Variants in NTM observed in about 807,000 individuals in gnomAD.
NTM encodes the protein neurotrimin, also known as IgLON family member 2.
NTM carries 13 observed loss-of-function variants against 42.1 expected under a neutral mutation model. The ratio of observed to expected loss-of-function variants is 0.31; its 90% CI spans 0.20 to 0.49. NTM has a LOEUF of 0.49. Ranked by LOEUF, NTM falls within the 20% of genes least tolerant of loss-of-function variation. The probability of loss-of-function intolerance (pLI) is 0.99; values close to 1 mark genes in which losing one functional copy is unlikely to be tolerated. For synonymous variants in NTM, 187 were observed against 179.2 expected, an observed-to-expected ratio of 1.04 and a Z score of -0.35; for missense variants, 373 against 452.8, an observed-to-expected ratio of 0.82 and a Z score of 1.60.
intron 2 of NTM, among the ~76,000 whole-genome samples, chr11:132,044,242 C>T (rs1384694276): frequency 1.3e-5 from 2 of 152,166 alleles, no homozygotes; most frequent in South Asian, 4.2e-4. Flanking sequence ...CATTCTATAA[C>T]TTGTGGCACT....
intron 1 of NTM, among the ~76,000 whole-genome samples, chr11:131,858,482 C>G (rs967253532): frequency 1.3e-5 from 2 of 152,174 alleles, no homozygotes; most frequent in Non-Finnish European, 2.9e-5. Flanking sequence ...GTGAGGAGCT[C>G]AGTATTTTTT....
chr11:131,629,958 C>A (rs1022025533), intron 1 of NTM, among the ~76,000 whole-genome samples: 1 of 152,158 alleles, frequency 6.6e-6, no homozygotes, highest in Non-Finnish European at 1.5e-5. Context: ...TCCTCTGCAC[C>A]ATCCCTGGTG....
intron 2 of NTM, among the ~76,000 whole-genome samples, chr11:131,935,713 AGAAT>A (rs1565775122): frequency 6.6e-6 from 1 of 152,180 alleles, no homozygotes; most frequent in Non-Finnish European, 1.5e-5. Context: ...CCTCATCCAT[AGAAT>A]GATATATTTT....
chr11:131,605,771 G>A, intron 1 of NTM: 5 of 983,244 alleles, frequency 5.1e-6, no homozygotes, highest in Non-Finnish European at 6.0e-6. Flanking sequence ...ATAAATAAAG[G>A]TGCCCTATTC....
chr11:132,326,604 G>A (rs938416642), intron 7 of NTM, among the ~76,000 whole-genome samples: 2 of 152,198 alleles, frequency 1.3e-5, no homozygotes, highest in Non-Finnish European at 2.9e-5. Flanking sequence ...GATGTGCTCA[G>A]CCCCTCATCT....
intron 4 of NTM, among the ~76,000 whole-genome samples, chr11:132,303,712 CAAA>C (rs139688601): frequency 0.094 from 10,691 of 113,176 alleles, 364 homozygotes; most frequent in Middle Eastern, 0.19. Context: ...TTCTAGGTGA[CAAA>C]AAAAAAAAAA....
At chr11:131,798,527 G>A (rs1338536451) in intron 1 of NTM, among the ~76,000 whole-genome samples, 1 of 152,124 alleles carries the variant, frequency 6.6e-6, no homozygotes, top group African/African-American at 2.4e-5. Context: ...AATATTTACT[G>A]GGCATTTACT....
At chr11:132,150,187 C>T (rs530015753) in intron 3 of NTM, among the ~76,000 whole-genome samples, 6 of 152,204 alleles carry the variant, frequency 3.9e-5, no homozygotes, top group East Asian at 1.9e-4. Flanking sequence ...ACAGCAGGGA[C>T]GGTGCCAGGC....
chr11:131,401,853 TATATATA>T (rs1476625990), intron 1 of NTM, among the ~76,000 whole-genome samples: 29 of 110,154 alleles, frequency 2.6e-4, no homozygotes, highest in South Asian at 6.2e-4. Flanking sequence ...TATATATATA[TATATATA>T]TTTTAATTTA....
chr11:131,630,219 A>G (rs2063517190), intron 1 of NTM, among the ~76,000 whole-genome samples: 1 of 152,164 alleles, frequency 6.6e-6, no homozygotes, highest in South Asian at 2.1e-4. Flanking sequence ...ATTGGCATAG[A>G]AAGTTAGCAA....
intron 1 of NTM, among the ~76,000 whole-genome samples, chr11:131,714,592 A>G (rs1428963449): frequency 6.6e-6 from 1 of 152,168 alleles, no homozygotes; most frequent in Non-Finnish European, 1.5e-5. Context: ...CCATCTCCTG[A>G]TGGTCACCTG....
intron 1 of NTM, among the ~76,000 whole-genome samples, chr11:131,463,352 T>C (rs888571993): frequency 6.6e-6 from 1 of 152,148 alleles, no homozygotes; most frequent in Non-Finnish European, 1.5e-5. Flanking sequence ...CAGAGAGGCA[T>C]GGGTGAGGGT....
chr11:132,194,814 CTT>C (rs902871492), intron 3 of NTM, among the ~76,000 whole-genome samples: 4,043 of 110,424 alleles, frequency 0.037, 58 homozygotes, highest in East Asian at 0.088. Flanking sequence ...GCATTTCTTC[CTT>C]TTTTTTTTTT....
intron 1 of NTM, among the ~76,000 whole-genome samples, chr11:131,804,021 C>A (rs1283283891): frequency 6.6e-6 from 1 of 152,228 alleles, no homozygotes; most frequent in African/African-American, 2.4e-5. Context: ...ATTACCAGCT[C>A]TGTCTTCCTT....
intron 1 of NTM, among the ~76,000 whole-genome samples, chr11:131,377,690 T>C (rs1248739558): frequency 2.0e-5 from 3 of 152,230 alleles, no homozygotes; most frequent in Non-Finnish European, 1.5e-5. Flanking sequence ...CATTGTGTAG[T>C]TGTTCTCCTA....
chr11:131,954,611 A>G (rs1458567086), intron 2 of NTM, among the ~76,000 whole-genome samples: 4 of 147,228 alleles, frequency 2.7e-5, no homozygotes, highest in Admixed American at 6.7e-5. Flanking sequence ...TGTACACTCA[A>G]TCAAATTTTA....
chr11:131,759,134 T>G (rs1270503844), intron 1 of NTM, among the ~76,000 whole-genome samples: 1 of 152,334 alleles, frequency 6.6e-6, no homozygotes, highest in Non-Finnish European at 1.5e-5. Flanking sequence ...ACTTAGAACA[T>G]GCTGCCATTA....
intron 6 of NTM, among the ~76,000 whole-genome samples, chr11:132,314,162 GTCATCA>G (rs2095360664): frequency 6.6e-6 from 1 of 151,634 alleles, no homozygotes; most frequent in South Asian, 2.1e-4. Flanking sequence ...TTGCATGGTT[GTCATCA>G]TCACCATCAC....
At chr11:131,795,905 CTT>C (rs2091503195) in intron 1 of NTM, 3 of 978,422 alleles carry the variant, frequency 3.1e-6, no homozygotes, top group South Asian at 4.7e-5. Flanking sequence ...GGAGGGATCA[CTT>C]TATTGGAGTA....
Sources: allele counts gnomAD v4.1 joint callset (sites outside exome capture counted in the v4.1 genomes callset), GRCh38; gene constraint gnomAD v4.1.1; transcripts MANE v1.5; gene names NCBI Gene and HGNC (gene_info 2026-07-23, HGNC 2026-07-21).